The following MARCHF1 variants were observed in gnomAD, a reference collection of about 807,000 sequenced individuals.
MARCHF1 encodes the protein membrane associated ring-CH-type finger 1.
In MARCHF1, 40 loss-of-function variants were observed where a neutral mutation model predicts 54.2. The observed-to-expected ratio is 0.74, with a 90% CI of 0.57 to 0.96. MARCHF1 has a LOEUF of 0.96. Among genes scored for constraint, MARCHF1 ranks in the 40% least tolerant of loss-of-function variants. The pLI is 0.00. For missense variants in MARCHF1, 586 were observed against 656.5 expected (o/e 0.89, Z 1.17); for synonymous variants, 236 against 236.3 (o/e 1.00, Z 0.01).
intron 4 of MARCHF1, among the ~76,000 whole-genome samples, chr4:163,755,002 G>C: frequency 6.6e-6 from 1 of 152,112 alleles, no homozygotes; most frequent in East Asian, 1.9e-4. Flanking sequence ...ATTTTCCTAG[G>C]GATGATTTTG....
At position 164,357,485 on chromosome 4, in the gene MARCHF1, T is replaced by G. The variant is rs182339837; in HGVS notation, c.-323+26385A>C. 3.1e-4 allele frequency among the ~76,000 whole-genome samples: 47 copies of G among 152,272 alleles called. 1 individual carries two copies. Among genetic ancestry groups the G allele is most frequent in the Admixed American group, 2.3e-3 (35 of 15,278 alleles). On this transcript the variant is annotated intron_variant, in intron 1 of 9. Coordinates refer to ENST00000514618, the MANE Select transcript of MARCHF1 (RefSeq NM_001394959.1). ...TCTCAAGATCCTTAATTTAATCATA[T>G]CTGCAAAGTCACTTTAGTTAAATAA...
At chr4:164,030,073 A>G (rs1753846470) in intron 2 of MARCHF1, among the ~76,000 whole-genome samples, 1 of 152,238 alleles carries the variant, frequency 6.6e-6, no homozygotes, top group African/African-American at 2.4e-5. Flanking sequence ...CTTGAAAAGC[A>G]ATATGTAATT....
rs140702481 is a variant in MARCHF1, at chr4:163,974,311, A to G, written c.-39+14190T>C. On this transcript the variant is annotated intron_variant, in intron 3 of 9. Coordinates refer to ENST00000514618, the MANE Select transcript of MARCHF1 (RefSeq NM_001394959.1). ...GATTGGTGAAGCACTCACTCTTGAA[A>G]TGCTAAGCTTCCATTAAGAAATTGG... Among the ~76,000 whole-genome samples the G allele has an allele frequency of 3.6e-3, 544 of 152,314 alleles. 5 individuals are homozygous for G. Among genetic ancestry groups the G allele is most frequent in the African/African-American group, 0.012 (507 of 41,578 alleles).
In MARCHF1 at chr4:163,686,963, C is replaced by T. The variant is rs115703622; in HGVS notation, c.162+13850G>A. Among the ~76,000 whole-genome samples the T allele has an allele frequency of 9.2e-3, 1,402 of 152,236 alleles. 25 individuals carry two copies. Among genetic ancestry groups the T allele is most frequent in the African/African-American group, 0.032 (1,343 of 41,520 alleles). On this transcript the variant is annotated intron_variant, in intron 5 of 9. Coordinates refer to ENST00000514618, the MANE Select transcript of MARCHF1 (RefSeq NM_001394959.1). Reference sequence around the variant, plus strand: ...TTCTATTAGAAGTCTCTCCAAACCACGTAGCATTTACCTTGCAGTGCATAG... The same window carrying T: ...TTCTATTAGAAGTCTCTCCAAACCATGTAGCATTTACCTTGCAGTGCATAG...
At chr4:164,350,522 G>T (rs1025856843) in intron 1 of MARCHF1, among the ~76,000 whole-genome samples, 4 of 152,114 alleles carry the variant, frequency 2.6e-5, no homozygotes, top group African/African-American at 7.2e-5. Context: ...CCAACTCAAA[G>T]AAATAATAAA....
intron 4 of MARCHF1, among the ~76,000 whole-genome samples, chr4:163,703,141 T>C (rs1299354596): frequency 6.6e-6 from 1 of 152,180 alleles, no homozygotes; most frequent in Non-Finnish European, 1.5e-5. Context: ...TGTGAAGTTA[T>C]GATATTTCCA....
chr4:163,867,502 T>C (rs1326768596), intron 3 of MARCHF1, among the ~76,000 whole-genome samples: 1 of 151,616 alleles, frequency 6.6e-6, no homozygotes, highest in Admixed American at 6.6e-5. Context: ...TTATTATATA[T>C]AATCTAATTA....
chr4:164,155,796 A>G (rs925765393), intron 1 of MARCHF1, among the ~76,000 whole-genome samples: 1 of 152,112 alleles, frequency 6.6e-6, no homozygotes, highest in Non-Finnish European at 1.5e-5. Flanking sequence ...CTGAACTTGT[A>G]CCCCTTAAAT....
At chr4:164,350,487 C>G (rs1241489729) in intron 1 of MARCHF1, among the ~76,000 whole-genome samples, 1 of 151,978 alleles carries the variant, frequency 6.6e-6, no homozygotes, top group Non-Finnish European at 1.5e-5. Context: ...TTCCAAAAAG[C>G]TAAAAGAGAG....
intron 4 of MARCHF1, among the ~76,000 whole-genome samples, chr4:163,751,946 A>T (rs1746534076): frequency 2.0e-5 from 3 of 150,500 alleles, no homozygotes. Context: ...CTGGATAGCG[A>T]TAACTCTCTT....
intron 2 of MARCHF1, among the ~76,000 whole-genome samples, chr4:164,046,984 A>G (rs1754256336): frequency 6.6e-6 from 1 of 152,228 alleles, no homozygotes; most frequent in Non-Finnish European, 1.5e-5. Flanking sequence ...GACTAAGATC[A>G]CTGCCACAAA....
chr4:163,963,828 G>A (rs902132683), intron 3 of MARCHF1, among the ~76,000 whole-genome samples: 1 of 151,868 alleles, frequency 6.6e-6, no homozygotes, highest in African/African-American at 2.4e-5. Context: ...GAAATACTGA[G>A]CACAGAAAGA....
chr4:163,670,888 TGTA>T (rs1336188700), intron 5 of MARCHF1, among the ~76,000 whole-genome samples: 3 of 152,236 alleles, frequency 2.0e-5, no homozygotes, highest in Admixed American at 2.0e-4. Context: ...TTTAGCTTCC[TGTA>T]GTGCCTAGCA....
chr4:163,660,770 T>A (rs1561004046), intron 5 of MARCHF1, among the ~76,000 whole-genome samples: 2 of 152,046 alleles, frequency 1.3e-5, no homozygotes, highest in African/African-American at 4.8e-5. Flanking sequence ...CAATTCTCAT[T>A]CAAGCCTGTG....
At chr4:163,772,398 T>C (rs1207172497) in intron 4 of MARCHF1, among the ~76,000 whole-genome samples, 1 of 152,186 alleles carries the variant, frequency 6.6e-6, no homozygotes, top group Admixed American at 6.5e-5. Flanking sequence ...GTCACTGTCA[T>C]GTAGGCGTGA....
At chr4:163,668,561 T>C (rs1220315771) in intron 5 of MARCHF1, among the ~76,000 whole-genome samples, 1 of 151,990 alleles carries the variant, frequency 6.6e-6, no homozygotes, top group East Asian at 1.9e-4. Context: ...TTAGGAAAGA[T>C]CAAGACCTTA....
chr4:163,638,723 T>C lies in MARCHF1; in HGVS notation c.163-25330A>G, dbSNP rs149782565. On this transcript the variant is annotated intron_variant, in intron 5 of 9. Coordinates refer to ENST00000514618, the MANE Select transcript of MARCHF1 (RefSeq NM_001394959.1). Reference sequence around the variant, plus strand: ...ATAGATATTTGTACATTCACATTCATTGAAATGTCATTCGCAATAGCCAAA... The same window carrying C: ...ATAGATATTTGTACATTCACATTCACTGAAATGTCATTCGCAATAGCCAAA... 7.5e-4 allele frequency among the ~76,000 whole-genome samples: 114 copies of C among 152,318 alleles called. 1 individual carries two copies. The highest frequency in any genetic ancestry group is 2.4e-3 in the African/African-American group (100 of 41,582).
At chr4:164,019,900 C>T (rs74715649) in intron 2 of MARCHF1, among the ~76,000 whole-genome samples, 3,611 of 152,198 alleles carry the variant, frequency 0.024, 126 homozygotes, top group African/African-American at 0.078. Context: ...ACTTGACAAA[C>T]TGTTTACGCT....
chr4:164,197,354 C>T (rs1199477861), intron 1 of MARCHF1: 13 of 1,612,702 alleles, frequency 8.1e-6, no homozygotes, highest in Non-Finnish European at 1.1e-5. Flanking sequence ...TTGGTTACCT[C>T]GCAATTGAAA....
Sources: allele counts gnomAD v4.1 joint callset (sites outside exome capture counted in the v4.1 genomes callset), GRCh38; gene constraint gnomAD v4.1.1; transcripts MANE v1.5; gene names NCBI Gene and HGNC (gene_info 2026-07-23, HGNC 2026-07-21).